ADARB2: variants seen among roughly 807,000 people sequenced by gnomAD.
ADARB2 encodes the protein adenosine deaminase RNA specific B2 (inactive), also known as inactive double-stranded RNA-specific editase B2.
In ADARB2, 25 loss-of-function variants were observed where a neutral mutation model predicts 62.2. That is an observed-to-expected ratio of 0.40 (90% CI 0.29 to 0.56). ADARB2 has a LOEUF of 0.56. Ranked by LOEUF, ADARB2 falls within the 20% of genes least tolerant of loss-of-function variation. The probability of loss-of-function intolerance (pLI) is 0.43; values close to 1 mark genes in which losing one functional copy is unlikely to be tolerated. For missense variants in ADARB2, 1,071 were observed against 1,077.4 expected, an observed-to-expected ratio of 0.99 and a Z score of 0.08; for synonymous variants, 572 against 500.8, an observed-to-expected ratio of 1.14 and a Z score of -1.90.
intron 9 of ADARB2, among the ~76,000 whole-genome samples, chr10:1,184,104 C>T (rs1385664929): frequency 6.6e-6 from 1 of 152,200 alleles, no homozygotes; most frequent in Non-Finnish European, 1.5e-5. Context: ...AAGCTCAGAG[C>T]TAATATGTGC....
At chr10:1,698,741 G>A (rs981626811) in intron 1 of ADARB2, among the ~76,000 whole-genome samples, 5 of 152,080 alleles carry the variant, frequency 3.3e-5, no homozygotes, top group Admixed American at 3.3e-4. Flanking sequence ...AGTTGAAGGG[G>A]CAAATGACTT....
Position 1,363,285 on chromosome 10 carries a change from G to C in ADARB2, c.820C>G (p.Pro274Ala). ...AGCACCACGGGGTTGCGCTCGCCCG[G>C]GGCCGCGGGGGTGGCGGGGGTCGGG... Reference protein sequence around the residue: ...VGPTPATPAAPGERNPVVLLN... With the variant: ...VGPTPATPAAAGERNPVVLLN... The change falls in exon 3 of 10, where the codon CCG becomes GCG. Residue 274 changes from proline (P) to alanine (A), a missense_variant. By Grantham distance (27) the Pro-to-Ala change is conservative. Coordinates refer to ENST00000381312, the MANE Select transcript of ADARB2 (RefSeq NM_018702.4). The C allele has an allele frequency of 8.1e-7, 1 of 1,239,354 alleles. No individual in the cohort carries two copies. The allele number at this position is 1,239,354 out of a possible 1,614,324, so 76.8% of individuals were successfully genotyped here.
chr10:1,257,450 T>G (rs1021245667), intron 4 of ADARB2, among the ~76,000 whole-genome samples: 1 of 152,144 alleles, frequency 6.6e-6, no homozygotes, highest in African/African-American at 2.4e-5. Flanking sequence ...CCACTTCCCT[T>G]CCTCTTCAGG....
chr10:1,600,306 C>T (rs1275129582), intron 1 of ADARB2, among the ~76,000 whole-genome samples: 1 of 152,106 alleles, frequency 6.6e-6, no homozygotes, highest in Non-Finnish European at 1.5e-5. Flanking sequence ...CCAGAAACTG[C>T]TGGCCTTCAT....
chr10:1,302,507 G>C (rs529103423), intron 3 of ADARB2, among the ~76,000 whole-genome samples: 14 of 152,302 alleles, frequency 9.2e-5, no homozygotes, highest in Non-Finnish European at 4.4e-5. Flanking sequence ...CGGGAAGCTC[G>C]AACTGGGTGG....
At chr10:1,458,589 C>G (rs571125005) in intron 1 of ADARB2, among the ~76,000 whole-genome samples, 1 of 152,318 alleles carries the variant, frequency 6.6e-6, no homozygotes, top group Admixed American at 6.5e-5. Flanking sequence ...TCTTCCTTCT[C>G]CACTTGGGGG....
intron 1 of ADARB2, among the ~76,000 whole-genome samples, chr10:1,641,600 C>A (rs10903523): frequency 6.6e-6 from 1 of 152,110 alleles, no homozygotes; most frequent in African/African-American, 2.4e-5. Flanking sequence ...GTCTTTGCTG[C>A]GAGAGTGTGG....
At chr10:1,272,037 C>T (rs1302789170) in intron 3 of ADARB2, among the ~76,000 whole-genome samples, 5 of 152,226 alleles carry the variant, frequency 3.3e-5, no homozygotes, top group African/African-American at 1.2e-4. Context: ...GTGCTCAGCA[C>T]AGTGCCCCAC....
chr10:1,491,769 A>G (rs190205924), intron 1 of ADARB2, among the ~76,000 whole-genome samples: 1 of 152,324 alleles, frequency 6.6e-6, no homozygotes, highest in East Asian at 1.9e-4. Context: ...TTTCAGAAAA[A>G]AAGAAAAAGA....
chr10:1,278,315 A>G (rs1471553953), intron 3 of ADARB2, among the ~76,000 whole-genome samples: 1 of 147,816 alleles, frequency 6.8e-6, no homozygotes, highest in East Asian at 2.0e-4. Flanking sequence ...GTTTCAACTT[A>G]TATTTTGGGT....
chr10:1,265,453 G>T (rs537245393), intron 4 of ADARB2, among the ~76,000 whole-genome samples: 37 of 152,370 alleles, frequency 2.4e-4, no homozygotes, highest in Non-Finnish European at 4.0e-4. Flanking sequence ...CCAGTGAAAC[G>T]AGAGGATTCG....
intron 4 of ADARB2, among the ~76,000 whole-genome samples, chr10:1,266,939 T>C (rs1159532854): frequency 6.6e-6 from 1 of 151,846 alleles, no homozygotes; most frequent in Non-Finnish European, 1.5e-5. Flanking sequence ...TTAAGAAATC[T>C]CCAAAAACAT....
intron 1 of ADARB2, among the ~76,000 whole-genome samples, chr10:1,694,044 C>G (rs1422550066): frequency 6.6e-6 from 1 of 152,184 alleles, no homozygotes; most frequent in Admixed American, 6.5e-5. Context: ...CTCTAGTAAT[C>G]GACTTCTTGG....
rs530845584 is a variant in ADARB2 at position 1,405,657 on chromosome 10, A to G, written c.101-26497T>C. The stretch of plus-strand genomic sequence containing the variant: ...AAAAAAAAAAAAAAAAAAAAAATTT[A>G]AGATGTTTCTTGGGAAATGTACCAG... On this transcript the variant is annotated intron_variant, in intron 1 of 9. Coordinates refer to ENST00000381312, the MANE Select transcript of ADARB2 (RefSeq NM_018702.4). 4.1e-3 allele frequency among the ~76,000 whole-genome samples: 608 copies of G among 148,036 alleles called. 2 individuals are homozygous for G. The highest frequency in any genetic ancestry group is 0.014 in the Middle Eastern group (4 of 292).
At chr10:1,185,275 A>G (rs1341189343) in intron 8 of ADARB2, among the ~76,000 whole-genome samples, 1 of 152,182 alleles carries the variant, frequency 6.6e-6, no homozygotes, top group Admixed American at 6.5e-5. Flanking sequence ...CTTCTAATCG[A>G]AGATTTTAAT....
Position 1,216,958 on chromosome 10 carries a change from T to A in ADARB2, c.1675A>T (p.Ile559Phe). ...GGAAGCCGTGGGCCTCACCTGGCGA[T>A]CTTGTCCGTGCAGGACATGGTGATC... ...QLITMSCTDK[I>F]ARWNVLGLQG... Residue 559 changes from isoleucine (I) to phenylalanine (F), a missense_variant, in exon 7 of 10, where the codon ATC becomes TTC. By Grantham distance (21) the Ile-to-Phe change is conservative (BLOSUM62 0). Transcript: ENST00000381312. 1 of 1,606,820 alleles carries A rather than the reference T, an allele frequency of 6.2e-7. No individual in the cohort carries two copies. Among genetic ancestry groups the A allele is most frequent in the Non-Finnish European group, 8.5e-7 (1 of 1,179,502 alleles).
Position 1,335,822 on chromosome 10 carries a change from C to T in ADARB2, c.1077+27206G>A, listed in dbSNP as rs1831970392. Among the ~76,000 whole-genome samples the T allele has an allele frequency of 1.3e-5, 2 of 152,182 alleles. 1 individual carries two copies. Among genetic ancestry groups the T allele is most frequent in the South Asian group, 4.1e-4 (2 of 4,830 alleles). ...TCATTGTTTCTGCACCAGCTCACTGCCAGGCTTATCCTGCTTGGCACATGC... is the reference window on the plus strand; with the variant it reads ...TCATTGTTTCTGCACCAGCTCACTGTCAGGCTTATCCTGCTTGGCACATGC... On this transcript the variant is annotated intron_variant, in intron 3 of 9. Transcript: ENST00000381312.
chr10:1,629,543 AAACCCCCCCAGCACCC>A (rs1176521131), intron 1 of ADARB2, among the ~76,000 whole-genome samples: 12 of 42,242 alleles, frequency 2.8e-4, no homozygotes, highest in Admixed American at 6.4e-4. Context: ...CCCAGTACTC[AAACCCCCCCAGCACCC>A]AACCCCCCCA....
chr10:1,499,543 ATGTC>A (rs1317536980), intron 1 of ADARB2, among the ~76,000 whole-genome samples: 2 of 151,184 alleles, frequency 1.3e-5, no homozygotes, highest in East Asian at 3.9e-4. Context: ...TCACTCGCTC[ATGTC>A]TCACTCATCA....
Sources: allele counts gnomAD v4.1 joint callset (sites outside exome capture counted in the v4.1 genomes callset), GRCh38; gene constraint gnomAD v4.1.1; transcripts MANE v1.5; gene names NCBI Gene and HGNC (gene_info 2026-07-23, HGNC 2026-07-21).